The following MACROD2 variants were observed in gnomAD, a reference collection of about 807,000 sequenced individuals.
The protein encoded by MACROD2 is ADP-ribose glycohydrolase MACROD2.
A neutral mutation model predicts 70.4 loss-of-function variants in MACROD2; 36 were observed. The ratio of observed to expected loss-of-function variants is 0.51; its 90% CI spans 0.39 to 0.68. The LOEUF (loss-of-function observed/expected upper bound fraction) is 0.68. MACROD2 is among the 30% of genes least tolerant of loss of function. The pLI is 0.00. For synonymous variants in MACROD2, 172 were observed against 178.8 expected, an observed-to-expected ratio of 0.96 and a Z score of 0.30; for missense variants, 496 against 538.4, an observed-to-expected ratio of 0.92 and a Z score of 0.78.
chr20:14,670,841 GC>G (rs1568730481), intron 4 of MACROD2, among the ~76,000 whole-genome samples: 2 of 152,086 alleles, frequency 1.3e-5, no homozygotes, highest in Non-Finnish European at 2.9e-5. Flanking sequence ...TAGTCAGCAC[GC>G]CCATGTTGAC....
chr20:15,293,991 G>C (rs989075099), intron 6 of MACROD2, among the ~76,000 whole-genome samples: 1 of 151,854 alleles, frequency 6.6e-6, no homozygotes, highest in Non-Finnish European at 1.5e-5. Context: ...GTGGTGATGG[G>C]CACCTGTAAC....
At chr20:14,944,752 T>C (rs886704031) in intron 5 of MACROD2, among the ~76,000 whole-genome samples, 4 of 152,154 alleles carry the variant, frequency 2.6e-5, no homozygotes, top group African/African-American at 9.7e-5. Flanking sequence ...TAATCACTGG[T>C]GGGATCTTTC....
intron 5 of MACROD2, among the ~76,000 whole-genome samples, chr20:14,704,716 C>G (rs2071247796): frequency 1.3e-5 from 2 of 152,158 alleles, no homozygotes; most frequent in Admixed American, 1.3e-4. Context: ...TTCTTCCTGG[C>G]CTGTTCAAAC....
intron 4 of MACROD2, among the ~76,000 whole-genome samples, chr20:14,602,461 G>A (rs1982560938): frequency 6.6e-6 from 1 of 152,158 alleles, no homozygotes; most frequent in Admixed American, 6.6e-5. Context: ...CTAGGTATTT[G>A]GCCGTCTCCT....
At chr20:14,269,349 C>T (rs969611503) in intron 3 of MACROD2, among the ~76,000 whole-genome samples, 2 of 152,128 alleles carry the variant, frequency 1.3e-5, no homozygotes, top group African/African-American at 4.8e-5. Context: ...GCGTTGATAT[C>T]TGTCATTTCA....
intron 10 of MACROD2, among the ~76,000 whole-genome samples, chr20:15,925,863 C>A (rs116636910): frequency 6.6e-6 from 1 of 152,162 alleles, no homozygotes; most frequent in Non-Finnish European, 1.5e-5. Flanking sequence ...AGGGCTGACA[C>A]GATTGTCTTG....
chr20:14,755,629 G>C (rs2071930813), intron 5 of MACROD2, among the ~76,000 whole-genome samples: 1 of 152,032 alleles, frequency 6.6e-6, no homozygotes, highest in Non-Finnish European at 1.5e-5. Context: ...TTTAGTAGAA[G>C]GTGTGTCAAA....
chr20:14,195,019 GA>G (rs2081418030), intron 3 of MACROD2, among the ~76,000 whole-genome samples: 1 of 152,118 alleles, frequency 6.6e-6, no homozygotes, highest in Admixed American at 6.5e-5. Context: ...AAGAGACTCA[GA>G]AGATCCTTTT....
At chr20:14,485,835 T>TTTTATAG (rs2084722736) in intron 3 of MACROD2, among the ~76,000 whole-genome samples, 2 of 151,534 alleles carry the variant, frequency 1.3e-5, no homozygotes, top group Non-Finnish European at 2.9e-5. Context: ...ATATTTTATA[T>TTTTATAG]AAATATAATT....
At chr20:15,672,593 C>T (rs2049996103) in intron 8 of MACROD2, among the ~76,000 whole-genome samples, 1 of 152,138 alleles carries the variant, frequency 6.6e-6, no homozygotes, top group African/African-American at 2.4e-5. Flanking sequence ...GCATGTGACT[C>T]AGCCTCGGCC....
chr20:15,721,327 C>T (rs76321180), intron 8 of MACROD2, among the ~76,000 whole-genome samples: 2,971 of 152,260 alleles, frequency 0.02, 91 homozygotes, highest in African/African-American at 0.066. Flanking sequence ...TTCACAGAAT[C>T]GTCTTGCAAA....
intron 8 of MACROD2, among the ~76,000 whole-genome samples, chr20:15,855,402 A>T (rs879691710): frequency 5.3e-5 from 8 of 152,186 alleles, no homozygotes; most frequent in Non-Finnish European, 1.0e-4. Context: ...CTGCAGTGAA[A>T]ATACACAGAG....
intron 4 of MACROD2, among the ~76,000 whole-genome samples, chr20:14,546,756 G>T (rs988127589): frequency 3.3e-5 from 5 of 151,814 alleles, no homozygotes; most frequent in African/African-American, 9.7e-5. Context: ...TTTCCATAGG[G>T]TCATAATTAT....
intron 13 of MACROD2, among the ~76,000 whole-genome samples, chr20:15,968,838 T>G (rs6080066): frequency 1.8e-5 from 2 of 113,828 alleles, no homozygotes; most frequent in African/African-American, 3.3e-5. Flanking sequence ...TATATATATA[T>G]ACACACATAT....
intron 8 of MACROD2, among the ~76,000 whole-genome samples, chr20:15,809,851 G>GC (rs1389313099): frequency 1.4e-5 from 2 of 145,304 alleles, no homozygotes; most frequent in Admixed American, 6.9e-5. Flanking sequence ...GCCTTCTCTG[G>GC]CCACCCTATC....
At chr20:14,146,367 T>C (rs1032732555) in intron 3 of MACROD2, among the ~76,000 whole-genome samples, 3 of 152,136 alleles carry the variant, frequency 2.0e-5, no homozygotes, top group Admixed American at 6.5e-5. Context: ...ATCGGGTTGC[T>C]CTGCGATTTA....
At chr20:14,062,225 C>A (rs2148656301) in intron 2 of MACROD2, among the ~76,000 whole-genome samples, 1 of 152,226 alleles carries the variant, frequency 6.6e-6, no homozygotes, top group Non-Finnish European at 1.5e-5. Context: ...TCTTTCCTGA[C>A]ATGTTCCCTT....
intron 8 of MACROD2, among the ~76,000 whole-genome samples, chr20:15,628,365 C>A (rs1326485352): frequency 1.3e-5 from 2 of 152,168 alleles, no homozygotes; most frequent in Admixed American, 6.5e-5. Context: ...ATATTGCTAG[C>A]AATCTGCTAA....
intron 8 of MACROD2, among the ~76,000 whole-genome samples, chr20:15,649,861 A>T (rs1397984908): frequency 6.6e-6 from 1 of 152,220 alleles, no homozygotes; most frequent in Non-Finnish European, 1.5e-5. Context: ...CAAAGATGTC[A>T]CATATACAAA....
Sources: allele counts gnomAD v4.1 joint callset (sites outside exome capture counted in the v4.1 genomes callset), GRCh38; gene constraint gnomAD v4.1.1; transcripts MANE v1.5; gene names NCBI Gene and HGNC (gene_info 2026-07-23, HGNC 2026-07-21).